Variants in KANK1 observed in about 807,000 individuals in gnomAD.
KANK1 encodes KN motif and ankyrin repeat domains 1, also known as KN motif and ankyrin repeat domain-containing protein 1.
Under a neutral mutation model 106.2 loss-of-function variants are expected in KANK1, and 109 were observed. The observed-to-expected ratio is 1.03, with a 90% CI of 0.88 to 1.20. The LOEUF (loss-of-function observed/expected upper bound fraction) is 1.20. Ranked by LOEUF, KANK1 falls within the 50% of genes most tolerant of loss-of-function variation. The pLI is 0.00. For missense variants in KANK1, 2,399 were observed against 1,710.7 expected, an observed-to-expected ratio of 1.40 and a Z score of -7.10; for synonymous variants, 873 against 652.2, an observed-to-expected ratio of 1.34 and a Z score of -5.16.
chr9:628,092 G>A (rs1477456854), intron 1 of KANK1, among the ~76,000 whole-genome samples: 4 of 152,176 alleles, frequency 2.6e-5, no homozygotes, highest in Non-Finnish European at 5.9e-5. Context: ...CATTTCCTCA[G>A]TAATCCTAGA....
chr9:621,778 C>T (rs533687053), intron 1 of KANK1, among the ~76,000 whole-genome samples: 8 of 151,988 alleles, frequency 5.3e-5, no homozygotes, highest in African/African-American at 9.7e-5. Flanking sequence ...CTTACTCACT[C>T]GCTTGTTCCT....
intron 1 of KANK1, among the ~76,000 whole-genome samples, chr9:610,561 C>T (rs531151881): frequency 6.6e-6 from 1 of 152,180 alleles, no homozygotes; most frequent in Admixed American, 6.5e-5. Context: ...ACCGAGTACC[C>T]TCTGCTGCGT....
At chr9:612,915 T>A (rs1405482400) in intron 1 of KANK1, among the ~76,000 whole-genome samples, 1 of 152,186 alleles carries the variant, frequency 6.6e-6, no homozygotes, top group African/African-American at 2.4e-5. Flanking sequence ...GCCATACATA[T>A]GCCTATGGTT....
At chr9:482,526 A>G (rs567718314) in intron 3 of KANK1, among the ~76,000 whole-genome samples, 1 of 152,264 alleles carries the variant, frequency 6.6e-6, no homozygotes, top group Non-Finnish European at 1.5e-5. Flanking sequence ...AGATGGGTAA[A>G]CTGAGGCTCA....
intron 1 of KANK1, among the ~76,000 whole-genome samples, chr9:625,048 G>C (rs928856515): frequency 6.6e-6 from 1 of 151,852 alleles, no homozygotes; most frequent in South Asian, 2.1e-4. Context: ...TGCCTTGTTC[G>C]ATGCCCTGGG....
intron 3 of KANK1, among the ~76,000 whole-genome samples, chr9:725,909 G>C (rs926715162): frequency 1.3e-5 from 2 of 152,168 alleles, no homozygotes; most frequent in Non-Finnish European, 2.9e-5. Context: ...CTGACATTGT[G>C]AGTAGATTTA....
chr9:694,940 A>G (rs1395681643), intron 2 of KANK1, among the ~76,000 whole-genome samples: 1 of 152,090 alleles, frequency 6.6e-6, no homozygotes, highest in East Asian at 1.9e-4. Context: ...TCTTCATGCC[A>G]TGTTAAGAAA....
At chr9:545,627 T>G (rs1185530928) in intron 1 of KANK1, among the ~76,000 whole-genome samples, 1 of 151,838 alleles carries the variant, frequency 6.6e-6, no homozygotes, top group Admixed American at 6.6e-5. Flanking sequence ...GCCAAGAGAA[T>G]TGAGTCATTT....
intron 3 of KANK1, among the ~76,000 whole-genome samples, chr9:483,373 G>C (rs191630453): frequency 5.1e-4 from 77 of 152,272 alleles, no homozygotes; most frequent in African/African-American, 1.7e-3. Flanking sequence ...GATTTAACTG[G>C]TTTTGGTTTG....
chr9:715,772 T>G (rs1827518571), intron 3 of KANK1, among the ~76,000 whole-genome samples: 1 of 152,260 alleles, frequency 6.6e-6, no homozygotes, highest in South Asian at 2.1e-4. Context: ...ATCATATTTG[T>G]GTTTTCACCA....
intron 7 of KANK1, among the ~76,000 whole-genome samples, chr9:737,224 GA>G (rs1172750614): frequency 6.6e-6 from 1 of 151,450 alleles, no homozygotes; most frequent in Non-Finnish European, 1.5e-5. Context: ...AATATATACA[GA>G]AAAAAAAGGA....
intron 1 of KANK1, among the ~76,000 whole-genome samples, chr9:627,107 C>A (rs989847798): frequency 1.3e-5 from 2 of 152,158 alleles, no homozygotes; most frequent in Admixed American, 1.3e-4. Context: ...GAATTCCTTT[C>A]CTTAAATACT....
At chr9:742,753 G>A (rs768449382) in intron 10 of KANK1, among the ~76,000 whole-genome samples, 1 of 152,096 alleles carries the variant, frequency 6.6e-6, no homozygotes, top group African/African-American at 2.4e-5. Context: ...CTTCTGACAG[G>A]TGCACTTGGA....
intron 1 of KANK1, among the ~76,000 whole-genome samples, chr9:608,481 A>G (rs1217102072): frequency 1.3e-5 from 2 of 151,834 alleles, no homozygotes; most frequent in South Asian, 2.1e-4. Flanking sequence ...AATGTTACCT[A>G]TAAGAAAAGA....
At chr9:649,096 G>A (rs1035082713) in intron 1 of KANK1, among the ~76,000 whole-genome samples, 2 of 152,042 alleles carry the variant, frequency 1.3e-5, no homozygotes, top group African/African-American at 4.8e-5. Context: ...ACTGTATCTC[G>A]TGAATAAGAT....
At chr9:739,824 A>G (rs751555036) in intron 8 of KANK1, among the ~76,000 whole-genome samples, 45 of 92,394 alleles carry the variant, frequency 4.9e-4, no homozygotes, top group Admixed American at 3.7e-3. Flanking sequence ...GTGTAGATCT[A>G]GGATGCTTCA....
intron 2 of KANK1, among the ~76,000 whole-genome samples, chr9:687,379 T>C (rs943989960): frequency 6.6e-6 from 1 of 152,218 alleles, no homozygotes; most frequent in Non-Finnish European, 1.5e-5. Context: ...TCACAAACTT[T>C]AATCTCTAAC....
Position 710,096 on chromosome 9 carries a change from T to G in KANK1, c.38-708T>G, listed in dbSNP as rs559955599. ...GAGTGAGGGTTGAAAAATTACCTAT[T>G]GAGTACGGTGTGCACTATTTGGGTG... On this transcript the variant is annotated intron_variant, in intron 2 of 11. Coordinates refer to ENST00000382297, the MANE Select transcript of KANK1 (RefSeq NM_015158.5). Among the ~76,000 whole-genome samples, 6 of 152,232 alleles carry G rather than the reference T, an allele frequency of 3.9e-5. No individual in the cohort carries two copies. The South Asian group carries it at 1.2e-3, about 32-fold the overall frequency.
chr9:556,590 T>G (rs946996940), intron 1 of KANK1, among the ~76,000 whole-genome samples: 1 of 152,240 alleles, frequency 6.6e-6, no homozygotes, highest in African/African-American at 2.4e-5. Flanking sequence ...ATTACTTCAT[T>G]GATCCAAAGT....
Sources: gnomAD v4.1 joint callset for allele counts (sites outside exome capture counted in the v4.1 genomes callset) on GRCh38, gnomAD v4.1.1 for gene constraint, MANE v1.5 for transcripts, NCBI Gene and HGNC (gene_info 2026-07-23, HGNC 2026-07-21) for gene names.